Variants in SCAPER observed in about 807,000 individuals in gnomAD.
The protein encoded by SCAPER is S-phase cyclin A associated protein in the ER.
A neutral mutation model predicts 182.2 loss-of-function variants in SCAPER; 98 were observed. The ratio of observed to expected loss-of-function variants is 0.54; its 90% CI spans 0.46 to 0.64. The LOEUF (loss-of-function observed/expected upper bound fraction) is 0.64. Among genes scored for constraint, SCAPER ranks in the 30% least tolerant of loss-of-function variants. SCAPER has a pLI of 0.00. For synonymous variants in SCAPER, 605 were observed against 564.6 expected (o/e 1.07, Z -1.01); for missense variants, 1,432 against 1,690.0 (o/e 0.85, Z 2.68).
intron 18 of SCAPER, 115 bp downstream of exon 18, chr15:76,705,788 T>G: frequency 1.5e-6 from 1 of 686,822 alleles, no homozygotes; most frequent in Non-Finnish European, 2.3e-6. Flanking sequence ...CATATAAGCT[T>G]TGTTGTGCAA....
chr15:76,861,045 C>T (rs1398241), intron 3 of SCAPER, among the ~76,000 whole-genome samples: 23,337 of 151,948 alleles, frequency 0.15, 2,028 homozygotes, highest in African/African-American at 0.24. Flanking sequence ...TAAATACATA[C>T]ATACATAAAA....
intron 21 of SCAPER, among the ~76,000 whole-genome samples, chr15:76,636,984 T>TAA (rs537033234): frequency 6.6e-6 from 1 of 151,180 alleles, no homozygotes; most frequent in African/African-American, 2.4e-5. Flanking sequence ...CATTTTATTT[T>TAA]AAAAAAAAAC....
At chr15:76,805,547 T>C (rs927402276) in intron 5 of SCAPER, among the ~76,000 whole-genome samples, 3 of 144,168 alleles carry the variant, frequency 2.1e-5, no homozygotes, top group Admixed American at 7.6e-5. Flanking sequence ...CATTAGACAT[T>C]TGTTTACCTT....
At chr15:76,834,631 A>C (rs1439660797) in intron 5 of SCAPER, among the ~76,000 whole-genome samples, 1 of 152,158 alleles carries the variant, frequency 6.6e-6, no homozygotes, top group Non-Finnish European at 1.5e-5. Flanking sequence ...GGTTCTTAGA[A>C]AAAAATAAAC....
chr15:76,756,225 C>G (rs1324804931), intron 14 of SCAPER, among the ~76,000 whole-genome samples: 1 of 114,084 alleles, frequency 8.8e-6, no homozygotes, highest in Non-Finnish European at 1.6e-5. Context: ...GCCTGGGCGA[C>G]AGAGCCAGAC....
chr15:76,876,438 C>CAAAAAAAAAA (rs33959211), intron 2 of SCAPER, among the ~76,000 whole-genome samples: 8 of 122,754 alleles, frequency 6.5e-5, no homozygotes, highest in Admixed American at 1.6e-4. Flanking sequence ...AAAACAAAAG[C>CAAAAAAAAAA]AAAAAAAAAA....
intron 23 of SCAPER, among the ~76,000 whole-genome samples, chr15:76,561,289 A>G (rs1347942431): frequency 6.6e-6 from 1 of 152,228 alleles, no homozygotes; most frequent in Non-Finnish European, 1.5e-5. Context: ...TTAAGATTAA[A>G]TAATTAATGG....
At chr15:76,538,626 TA>T in intron 23 of SCAPER, among the ~76,000 whole-genome samples, 1 of 152,050 alleles carries the variant, frequency 6.6e-6, no homozygotes, top group South Asian at 2.1e-4. Context: ...AATGACGAGT[TA>T]ATGGGTGCAG....
chr15:76,424,772 T>C (rs1041894436), intron 26 of SCAPER, among the ~76,000 whole-genome samples: 7 of 152,226 alleles, frequency 4.6e-5, no homozygotes, highest in Non-Finnish European at 4.4e-5. Flanking sequence ...TTCCTTTCCA[T>C]GTTTAGTGCT....
chr15:76,729,323 C>CACATAT (rs2060782795), intron 16 of SCAPER, among the ~76,000 whole-genome samples: 1 of 151,372 alleles, frequency 6.6e-6, no homozygotes, highest in Non-Finnish European at 1.5e-5. Flanking sequence ...CACACACACA[C>CACATAT]ACATATACAT....
At position 76,602,035 on chromosome 15, in the gene SCAPER, T is replaced by G. The variant is rs1462755044; in HGVS notation, c.2711+19729A>C. Among the ~76,000 whole-genome samples the G allele has an allele frequency of 1.6e-5, 2 of 121,616 alleles. 1 individual carries two copies. The highest frequency in any genetic ancestry group is 4.0e-5 in the Non-Finnish European group (2 of 50,110). 79.8% of individuals were successfully genotyped at this position (121,616 alleles called of 152,430 possible). On this transcript the variant is annotated intron_variant, in intron 22 of 31. Coordinates refer to ENST00000563290, the MANE Select transcript of SCAPER (RefSeq NM_020843.4). Reference sequence around the variant, plus strand: ...CAATCCGTGTTTGGTTGAAAACATCTGCATATCATTGGGCTTGGGTAGTTC... The same window carrying G: ...CAATCCGTGTTTGGTTGAAAACATCGGCATATCATTGGGCTTGGGTAGTTC...
intron 26 of SCAPER, among the ~76,000 whole-genome samples, chr15:76,420,691 T>A (rs2045969340): frequency 6.6e-6 from 1 of 152,204 alleles, no homozygotes; most frequent in Non-Finnish European, 1.5e-5. Flanking sequence ...TACATATGTA[T>A]ACATGCGCCA....
Position 76,843,204 on chromosome 15 carries a change from T to C in SCAPER, c.196-1273A>G, listed in dbSNP as rs1290937287. Among the ~76,000 whole-genome samples the C allele has an allele frequency of 1.3e-5, 2 of 152,224 alleles. 1 individual carries two copies. ...TATTTTACCATCCTTTCTTATAATG[T>C]ACAACGGGCAATAATGCCTTGGGGT... On this transcript the variant is annotated intron_variant, in intron 4 of 31. Transcript: ENST00000563290.
At chr15:76,653,598 A>T (rs1281357195) in intron 21 of SCAPER, among the ~76,000 whole-genome samples, 2 of 152,242 alleles carry the variant, frequency 1.3e-5, no homozygotes, top group African/African-American at 4.8e-5. Context: ...GATAAAAACA[A>T]GCAATTGGAA....
intron 22 of SCAPER, among the ~76,000 whole-genome samples, chr15:76,611,449 A>C (rs577366098): frequency 2.0e-5 from 3 of 151,752 alleles, no homozygotes; most frequent in Non-Finnish European, 4.4e-5. Flanking sequence ...CCTACCACCC[A>C]AAAAAAAGCC....
intron 20 of SCAPER, among the ~76,000 whole-genome samples, chr15:76,678,165 G>GT (rs1342617154): frequency 6.6e-6 from 1 of 151,762 alleles, no homozygotes; most frequent in Non-Finnish European, 1.5e-5. Flanking sequence ...CTTAATTACA[G>GT]TAATACAAAT....
chr15:76,433,138 T>G (rs1213618263), intron 26 of SCAPER, among the ~76,000 whole-genome samples: 1 of 152,188 alleles, frequency 6.6e-6, no homozygotes, highest in Non-Finnish European at 1.5e-5. Flanking sequence ...TCTCAGAAAT[T>G]CCTTCAGTTG....
At chr15:76,754,274 G>A (rs528693547) in intron 14 of SCAPER, among the ~76,000 whole-genome samples, 33 of 152,118 alleles carry the variant, frequency 2.2e-4, no homozygotes, top group South Asian at 2.1e-3. Flanking sequence ...GCTTAGACAT[G>A]CCTCTACAGA....
chr15:76,607,114 A>G (rs1222730263), intron 22 of SCAPER, among the ~76,000 whole-genome samples: 1 of 152,114 alleles, frequency 6.6e-6, no homozygotes, highest in Non-Finnish European at 1.5e-5. Context: ...CCTAGCCTTG[A>G]TGGTCTTTAC....
Sources: allele counts gnomAD v4.1 joint callset (sites outside exome capture counted in the v4.1 genomes callset), GRCh38; gene constraint gnomAD v4.1.1; transcripts MANE v1.5; gene names NCBI Gene and HGNC (gene_info 2026-07-23, HGNC 2026-07-21).